The following NAP1L2 variants were observed in gnomAD, a reference collection of about 807,000 sequenced individuals.
NAP1L2 encodes the protein nucleosome assembly protein 1 like 2.
For synonymous variants in NAP1L2, 165 were observed against 126.0 expected (o/e 1.31, Z -2.07); for missense variants, 376 against 338.5 (o/e 1.11, Z -0.87).
chrX:73,213,069 A>G lies in NAP1L2; in HGVS notation c.*41T>C. On this transcript the variant is annotated 3_prime_UTR_variant, in exon 1 of 1. Coordinates refer to ENST00000373517, the MANE Select transcript of NAP1L2 (RefSeq NM_021963.4). ...AAGGCTTCTTATACCTTGAGTAACT[A>G]TATCTAGGGCAGTTAATTTCAGGGC... 2.7e-6 allele frequency: 3 copies of G among 1,091,925 alleles called. No homozygotes were observed. The highest frequency in any genetic ancestry group is 2.4e-6 in the Non-Finnish European group (2 of 819,962). The allele number at this position is 1,091,925 out of a possible 1,213,427, so 90.0% of individuals were successfully genotyped here. A position where few individuals can be genotyped will look rare whatever the true frequency, so the allele number is the denominator to read the frequency against.
chrX:73,213,818 C>T lies in NAP1L2; in HGVS notation c.675G>A (p.Glu225=), dbSNP rs770557444. The T allele has an allele frequency of 2.5e-6, 3 of 1,210,472 alleles. No individual in the cohort carries two copies. The change falls in exon 1 of 1, where the codon GAG becomes GAA. Residue 225 remains glutamate (E), a synonymous_variant. Coordinates refer to ENST00000373517, the MANE Select transcript of NAP1L2 (RefSeq NM_021963.4). ...EEEEEEEDDI[E]ATGEENKEEE... ...CTTCTTTATTCTCTTCTCCAGTAGC[C>T]TCAATGTCGTCCTCCTCCTCCTCCT... is the stretch of plus-strand genomic sequence containing the variant.
chrX:73,213,473 A>G lies in NAP1L2; in HGVS notation c.1020T>C (p.Asn340=). 8.3e-7 allele frequency: 1 copy of G among 1,211,780 alleles called. No homozygotes were observed. Among genetic ancestry groups the G allele is most frequent in the Non-Finnish European group, 1.1e-6 (1 of 895,453 alleles). Residue 340 remains asparagine (N), a synonymous_variant, in exon 1 of 1, where the codon AAT becomes AAC. Transcript: ENST00000373517. The part of the protein sequence containing the change: ...GCEIDWNEGK[N]VTLKTIKKKQ... ...TCTTCTTGATGGTTTTCAAAGTGAC[A>G]TTCTTTCCTTCATTCCAATCTATCT...
rs966743467 is a variant in NAP1L2 at position 73,214,465 on chromosome X, G to A, written c.28C>T (p.Leu10=). The A allele has an allele frequency of 2.9e-5, 35 of 1,207,788 alleles. No homozygotes were observed. The highest frequency in any genetic ancestry group is 3.6e-5 in the Non-Finnish European group (32 of 894,193). MAESENRKE[L]SESSQEEAGN... is the part of the protein sequence containing the mutation. ...GCCTCTTCTTGACTGGATTCTGACA[G>A]CTCCTTGCGGTTCTCTGACTCGGCC... is the stretch of plus-strand genomic sequence containing the variant. The change falls in exon 1 of 1, where the codon CTG becomes TTG. Residue 10 remains leucine (L), a synonymous_variant. Coordinates refer to ENST00000373517, the MANE Select transcript of NAP1L2 (RefSeq NM_021963.4).
chrX:73,214,219 T>G lies in NAP1L2; in HGVS notation c.274A>C (p.Ile92Leu). The change falls in exon 1 of 1, where the codon ATC becomes CTC. Residue 92 changes from isoleucine (I) to leucine (L), a missense_variant. Physicochemically the swap from Ile to Leu is conservative, Grantham distance 5 (BLOSUM62 2). Coordinates refer to ENST00000373517, the MANE Select transcript of NAP1L2 (RefSeq NM_021963.4). ...DSEADRPKGL[I>L]GYVLDTDFVE... is the part of the protein sequence containing the mutation. ...AAGTCTGTATCTAAAACATAACCGA[T>G]AAGTCCTTTTGGACGGTCTGCCTCT... 8.3e-7 allele frequency: 1 copy of G among 1,211,500 alleles called. No homozygotes were observed. The highest frequency in any genetic ancestry group is 1.8e-5 in the South Asian group (1 of 56,932).
Position 73,214,302 on chromosome X carries a change from T to A in NAP1L2, c.191A>T (p.Asp64Val). The change falls in exon 1 of 1, where the codon GAT (aspartate) becomes GTT (valine). Residue 64 changes from aspartate to valine, a missense_variant. Physicochemically the swap from Asp to Val is radical, Grantham distance 152. Coordinates refer to ENST00000373517, the MANE Select transcript of NAP1L2 (RefSeq NM_021963.4). ...GLGEEGENGE[D>V]TAAGSGEDGK... ...ATCTTCCCCGGACCCAGCAGCAGTATCTTCACCGTTTTCCCCTTCTTCCCC... is the reference window on the plus strand; with the variant it reads ...ATCTTCCCCGGACCCAGCAGCAGTAACTTCACCGTTTTCCCCTTCTTCCCC... 8.3e-7 allele frequency: 1 copy of A among 1,210,912 alleles called. No homozygotes were observed. The highest frequency in any genetic ancestry group is 1.8e-5 in the South Asian group (1 of 56,877).
Position 73,214,487 on chromosome X carries a change from G to C in NAP1L2, c.6C>G (p.Ala2=), listed in dbSNP as rs141401827. The C allele has an allele frequency of 7.8e-5, 94 of 1,205,098 alleles. No individual in the cohort carries two copies. The African/African-American group carries it at 1.4e-3, about 18-fold the overall frequency. ...ACAGCTCCTTGCGGTTCTCTGACTC[G>C]GCCATTTTTCAAAGGACCGTACACG... M[A]ESENRKELSE... is the part of the protein sequence containing the mutation. The change falls in exon 1 of 1, where the codon GCC becomes GCG. Residue 2 remains alanine, a synonymous_variant. Coordinates refer to ENST00000373517, the MANE Select transcript of NAP1L2 (RefSeq NM_021963.4).
rs770557444 is a variant in NAP1L2, at chrX:73,213,818, C to G, written c.675G>C (p.Glu225Asp). The change falls in exon 1 of 1, where the codon GAG becomes GAC. Residue 225 changes from glutamate to aspartate, a missense_variant. Physicochemically the swap from Glu to Asp is conservative, Grantham distance 45 (BLOSUM62 2). Transcript: ENST00000373517. ...CTTCTTTATTCTCTTCTCCAGTAGC[C>G]TCAATGTCGTCCTCCTCCTCCTCCT... The part of the protein sequence containing the change: ...EEEEEEEDDI[E>D]ATGEENKEEE... 1 of 1,210,472 alleles carries G rather than the reference C, an allele frequency of 8.3e-7. No individual in the cohort carries two copies. Among genetic ancestry groups the G allele is most frequent in the East Asian group, 3.0e-5 (1 of 33,790 alleles).
rs772879933 is a variant in NAP1L2 at position 73,213,689 on chromosome X, G to A, written c.804C>T (p.Leu268=). The A allele has an allele frequency of 8.3e-7, 1 of 1,211,621 alleles. No homozygotes were observed. Among genetic ancestry groups the A allele is most frequent in the South Asian group, 1.8e-5 (1 of 56,955 alleles). The change falls in exon 1 of 1, where the codon CTC becomes CTT. Residue 268 remains leucine, a synonymous_variant. Transcript: ENST00000373517. ...IKKYDEPILK[L]LTDIKVKLSD... The stretch of plus-strand genomic sequence containing the variant: ...AAAGCTTAACTTTAATATCTGTCAG[G>A]AGCTTCAGAATAGGCTCATCATATT...
chrX:73,214,537 G>C lies in NAP1L2; in HGVS notation c.-45C>G, dbSNP rs768108998. ...GCCTAAGGTGGCTACCACAGAGATC[G>C]GGAGACCAAACCTCCACAGGAAAAG... On this transcript the variant is annotated 5_prime_UTR_variant, in exon 1 of 1. Coordinates refer to ENST00000373517, the MANE Select transcript of NAP1L2 (RefSeq NM_021963.4). 6.1e-6 allele frequency: 7 copies of C among 1,149,019 alleles called. No homozygotes were observed. The highest frequency in any genetic ancestry group is 7.0e-6 in the Non-Finnish European group (6 of 855,569). The allele number at this position is 1,149,019 out of a possible 1,213,427, so 94.7% of individuals were successfully genotyped here.
rs1280030281 is a variant in NAP1L2 at position 73,213,594 on chromosome X, T to A, written c.899A>T (p.Glu300Val). The A allele has an allele frequency of 1.7e-6, 2 of 1,211,614 alleles. No individual in the cohort carries two copies. Among genetic ancestry groups the A allele is most frequent in the Non-Finnish European group, 2.2e-6 (2 of 895,439 alleles). ...CAGCACATAGGTCTTTGTCAACAAC[T>A]CATTTTTGAAATATTCATTGGGTTT... Reference protein sequence around the residue: ...HFKPNEYFKNELLTKTYVLKS... With the variant: ...HFKPNEYFKNVLLTKTYVLKS... Residue 300 changes from glutamate to valine, a missense_variant, in exon 1 of 1, where the codon GAG (glutamate) becomes GTG (valine). By Grantham distance (121) the Glu-to-Val change is moderately radical. Transcript: ENST00000373517.
chrX:73,212,751 A>G lies in NAP1L2; in HGVS notation c.*359T>C, dbSNP rs1009773004. The G allele has an allele frequency of 3.4e-5, 5 of 145,479 alleles. No individual in the cohort carries two copies. The highest frequency in any genetic ancestry group is 6.6e-5 in the Non-Finnish European group (5 of 75,714). 12.0% of individuals were successfully genotyped at this position (145,479 alleles called of 1,213,427 possible). A position where few individuals can be genotyped will look rare whatever the true frequency, so the allele number is the denominator to read the frequency against. The stretch of plus-strand genomic sequence containing the variant: ...ACAAAAATAGAAAAAGAAAAACAAC[A>G]ACAGCGAAAACCCTTGGGTTGTTTC... On this transcript the variant is annotated 3_prime_UTR_variant, in exon 1 of 1. Coordinates refer to ENST00000373517, the MANE Select transcript of NAP1L2 (RefSeq NM_021963.4).
Position 73,213,007 on chromosome X carries a change from A to G in NAP1L2, c.*103T>C, listed in dbSNP as rs2056137531. The G allele has an allele frequency of 2.6e-6, 2 of 780,914 alleles. No homozygotes were observed. Among genetic ancestry groups the G allele is most frequent in the African/African-American group, 4.3e-5 (2 of 47,055 alleles). 64.4% of individuals were successfully genotyped at this position (780,914 alleles called of 1,213,427 possible). ...AACTTTTCTTATATTTTTGAAACAT[A>G]TGTTTTAACTAACACTACAAGAAAA... On this transcript the variant is annotated 3_prime_UTR_variant, in exon 1 of 1. Coordinates refer to ENST00000373517, the MANE Select transcript of NAP1L2 (RefSeq NM_021963.4).
Position 73,213,893 on chromosome X carries a change from G to A in NAP1L2, c.600C>T (p.Asp200=), listed in dbSNP as rs1463455613. ...EGMVHEYVDE[D]DGYEDYYYDY... is the part of the protein sequence containing the mutation. ...CATAATAATAGTCCTCATAACCATC[G>A]TCCTCATCCACATATTCATGTACCA... Residue 200 remains aspartate, a synonymous_variant, in exon 1 of 1, where the codon GAC becomes GAT. Coordinates refer to ENST00000373517, the MANE Select transcript of NAP1L2 (RefSeq NM_021963.4). 2 of 1,209,441 alleles carry A rather than the reference G, an allele frequency of 1.7e-6. No individual in the cohort carries two copies. Among genetic ancestry groups the A allele is most frequent in the East Asian group, 3.0e-5 (1 of 33,742 alleles).
At position 73,214,757 on chromosome X, in the gene NAP1L2, G is replaced by T; in HGVS notation, c.-265C>A. 1 of 318,897 alleles carries T rather than the reference G, an allele frequency of 3.1e-6. No homozygotes were observed. The allele number at this position is 318,897 out of a possible 1,213,427, so 26.3% of individuals were successfully genotyped here. A position where few individuals can be genotyped will look rare whatever the true frequency, so the allele number is the denominator to read the frequency against. ...ACCGATCCTGCAGGAGAGAGCCGGA[G>T]ACTGCAGAGAGCTGCAGTGGGCAGA... On this transcript the variant is annotated 5_prime_UTR_variant, in exon 1 of 1. Transcript: ENST00000373517.
Position 73,213,793 on chromosome X carries a change from C to G in NAP1L2, c.700G>C (p.Glu234Gln). ...IEATGEENKE[E>Q]EDPKGIPDFW... Reference sequence around the variant, plus strand: ...TCAGGAATTCCCTTAGGATCCTCCTCTTCTTTATTCTCTTCTCCAGTAGCC... The same window carrying G: ...TCAGGAATTCCCTTAGGATCCTCCTGTTCTTTATTCTCTTCTCCAGTAGCC... The change falls in exon 1 of 1, where the codon GAG (glutamate) becomes CAG (glutamine). Residue 234 changes from glutamate to glutamine, a missense_variant. Glu to Gln is a conservative substitution (Grantham distance 29). Transcript: ENST00000373517. 3 of 1,211,213 alleles carry G rather than the reference C, an allele frequency of 2.5e-6. No individual in the cohort carries two copies. The highest frequency in any genetic ancestry group is 3.4e-6 in the Non-Finnish European group (3 of 895,405).
rs961321989 is a variant in NAP1L2, at chrX:73,212,923, T to C, written c.*187A>G. 8.7e-5 allele frequency: 37 copies of C among 425,535 alleles called. No individual in the cohort carries two copies. The highest frequency in any genetic ancestry group is 1.3e-4 in the Non-Finnish European group (33 of 249,851). 35.1% of individuals were successfully genotyped at this position (425,535 alleles called of 1,213,427 possible). On this transcript the variant is annotated 3_prime_UTR_variant, in exon 1 of 1. Transcript: ENST00000373517. Reference sequence around the variant, plus strand: ...TAGTGTTTTAAATCATTTACCACAGTGTACATTTCTTGAAAACATTCTACT... The same window carrying C: ...TAGTGTTTTAAATCATTTACCACAGCGTACATTTCTTGAAAACATTCTACT...
rs1240918973 is a variant in NAP1L2 at position 73,213,477 on chromosome X, T to C, written c.1016A>G (p.Lys339Arg). Residue 339 changes from lysine to arginine, a missense_variant, in exon 1 of 1, where the codon AAG (lysine) becomes AGG (arginine). Physicochemically the swap from Lys to Arg is conservative, Grantham distance 26. Coordinates refer to ENST00000373517, the MANE Select transcript of NAP1L2 (RefSeq NM_021963.4). Reference protein sequence around the residue: ...TGCEIDWNEGKNVTLKTIKKK... With the variant: ...TGCEIDWNEGRNVTLKTIKKK... ...CTTGATGGTTTTCAAAGTGACATTC[T>C]TTCCTTCATTCCAATCTATCTCACA... 5.0e-6 allele frequency: 6 copies of C among 1,210,336 alleles called. No homozygotes were observed. The Middle Eastern group carries it at 6.9e-4, about 138-fold the overall frequency.
chrX:73,214,555 A>C lies in NAP1L2; in HGVS notation c.-63T>G. 2 of 1,101,150 alleles carry C rather than the reference A, an allele frequency of 1.8e-6. No individual in the cohort carries two copies. Among genetic ancestry groups the C allele is most frequent in the South Asian group, 2.1e-5 (1 of 46,583 alleles). The allele number at this position is 1,101,150 out of a possible 1,213,427, so 90.7% of individuals were successfully genotyped here. On this transcript the variant is annotated 5_prime_UTR_variant, in exon 1 of 1. Coordinates refer to ENST00000373517, the MANE Select transcript of NAP1L2 (RefSeq NM_021963.4). ...AGAGATCGGGAGACCAAACCTCCAC[A>C]GGAAAAGACTCACCGAAATATCAGA...
chrX:73,214,720 A>C lies in NAP1L2; in HGVS notation c.-228T>G. ...CCTGGGCTGGGTGCAGAGGGCGGCG[A>C]CGGCTGCGTTGACCGATCCTGCAGG... is the stretch of plus-strand genomic sequence containing the variant. On this transcript the variant is annotated 5_prime_UTR_variant, in exon 1 of 1. Coordinates refer to ENST00000373517, the MANE Select transcript of NAP1L2 (RefSeq NM_021963.4). The C allele has an allele frequency of 2.6e-6, 1 of 389,458 alleles. No individual in the cohort carries two copies. The highest frequency in any genetic ancestry group is 4.6e-6 in the Non-Finnish European group (1 of 218,963). The allele number at this position is 389,458 out of a possible 1,213,427, so 32.1% of individuals were successfully genotyped here.
Sources: allele counts gnomAD v4.1 joint callset, GRCh38; gene constraint gnomAD v4.1.1; transcripts MANE v1.5; gene names NCBI Gene and HGNC (gene_info 2026-07-23, HGNC 2026-07-21).